RNLS: variants seen among roughly 807,000 people sequenced by gnomAD.
RNLS encodes renalase.
A neutral mutation model predicts 39.8 loss-of-function variants in RNLS; 39 were observed. That is an observed-to-expected ratio of 0.98 (90% CI 0.76 to 1.28). RNLS has a LOEUF of 1.28. RNLS is among the 50% of genes most tolerant of loss of function. The pLI, the probability that RNLS is intolerant of heterozygous loss-of-function variation, is 0.00. For missense variants in RNLS, 410 were observed against 413.3 expected, an observed-to-expected ratio of 0.99 and a Z score of 0.07; for synonymous variants, 147 against 150.7, an observed-to-expected ratio of 0.98 and a Z score of 0.18.
intron 4 of RNLS, among the ~76,000 whole-genome samples, chr10:88,517,858 A>C (rs539958021): frequency 2.0e-5 from 3 of 152,088 alleles, no homozygotes; most frequent in South Asian, 2.1e-4. Flanking sequence ...CCATTTGAAA[A>C]GGAACACTGA....
At chr10:88,582,386 CCAAA>C in intron 1 of RNLS, 79 bp from the exon 2 acceptor site, 3 of 1,068,032 alleles carry the variant, frequency 2.8e-6, no homozygotes, top group South Asian at 1.6e-5. Flanking sequence ...TTAGGTTACC[CCAAA>C]CAGATTACTT....
the RNLS span, among the ~76,000 whole-genome samples, chr10:88,207,947 C>T: frequency 2.6e-5 from 4 of 152,162 alleles, no homozygotes; most frequent in Non-Finnish European, 5.9e-5. Flanking sequence ...GGCTCAGCCG[C>T]CTCATCACAT....
intron 3 of RNLS, among the ~76,000 whole-genome samples, chr10:88,575,159 T>TAC (rs375572767): frequency 0.053 from 2,269 of 43,160 alleles, 58 homozygotes; most frequent in Non-Finnish European, 0.082. Context: ...TATATATATA[T>TAC]ACACACACAC....
intron 6 of RNLS, 149 bp downstream of exon 6, chr10:88,314,317 T>C: frequency 1.3e-6 from 1 of 751,070 alleles, no homozygotes; most frequent in South Asian, 2.0e-5. Context: ...ATAGAAGTTA[T>C]ATTTATGTGT....
the RNLS span, among the ~76,000 whole-genome samples, chr10:88,187,168 A>G: frequency 8.1e-6 from 1 of 123,092 alleles, no homozygotes; most frequent in South Asian, 2.6e-4. Flanking sequence ...AATATATATA[A>G]TATATATATA....
chr10:88,546,014 T>G (rs1052601739), intron 4 of RNLS, among the ~76,000 whole-genome samples: 1 of 152,078 alleles, frequency 6.6e-6, no homozygotes, highest in African/African-American at 2.4e-5. Flanking sequence ...CCATGTGAAA[T>G]TAAGTGCCCT....
intron 4 of RNLS, among the ~76,000 whole-genome samples, chr10:88,479,680 C>G (rs1475281365): frequency 6.6e-6 from 1 of 152,078 alleles, no homozygotes; most frequent in Non-Finnish European, 1.5e-5. Flanking sequence ...TAGCCTTTCC[C>G]ATTTTCAGAA....
At chr10:88,455,794 T>C (rs1842598485) in intron 4 of RNLS, among the ~76,000 whole-genome samples, 1 of 152,186 alleles carries the variant, frequency 6.6e-6, no homozygotes, top group South Asian at 2.1e-4. Flanking sequence ...ACATTTCTGT[T>C]AGAAAAAACT....
chr10:88,303,700 C>G (rs967680750), intron 6 of RNLS, among the ~76,000 whole-genome samples: 4 of 152,142 alleles, frequency 2.6e-5, no homozygotes, highest in Non-Finnish European at 4.4e-5. Flanking sequence ...TTGATGGGCA[C>G]AAAACCAGCC....
intron 4 of RNLS, among the ~76,000 whole-genome samples, chr10:88,400,472 T>A (rs1172636425): frequency 5.9e-5 from 9 of 152,022 alleles, no homozygotes; most frequent in African/African-American, 2.2e-4. Flanking sequence ...CTTCCAATCT[T>A]TCGGGACCTT....
chr10:88,260,615 C>T, the RNLS span, among the ~76,000 whole-genome samples: 3,419 of 152,296 alleles, frequency 0.022, 140 homozygotes, highest in African/African-American at 0.078. Context: ...TGTATTAAGC[C>T]TTCATGGTTG....
chr10:88,532,589 G>A (rs1847493014), intron 4 of RNLS, among the ~76,000 whole-genome samples: 1 of 151,968 alleles, frequency 6.6e-6, no homozygotes, highest in Non-Finnish European at 1.5e-5. Flanking sequence ...TTAAAATAAA[G>A]CATAATTATT....
intron 4 of RNLS, among the ~76,000 whole-genome samples, chr10:88,387,624 A>G (rs1164576178): frequency 6.6e-6 from 1 of 152,134 alleles, no homozygotes; most frequent in East Asian, 1.9e-4. Flanking sequence ...TTTACATGTA[A>G]TCATTGATAT....
rs530929255 is a variant in RNLS, at chr10:88,388,200, T to G, written c.527-25475A>C. Among the ~76,000 whole-genome samples, 394 of 152,320 alleles carry G rather than the reference T, an allele frequency of 2.6e-3. 2 individuals carry two copies. Among genetic ancestry groups the G allele is most frequent in the African/African-American group, 9.0e-3 (374 of 41,574 alleles). ...TCTTTGTCTTAATTTTCTTTCCATGTTTAATTTATCAGCAAGTCCTGTAGA... is the reference window on the plus strand; with the variant it reads ...TCTTTGTCTTAATTTTCTTTCCATGGTTAATTTATCAGCAAGTCCTGTAGA... On this transcript the variant is annotated intron_variant, in intron 4 of 6. Transcript: ENST00000331772.
intron 4 of RNLS, among the ~76,000 whole-genome samples, chr10:88,516,253 A>G (rs1384990527): frequency 6.6e-6 from 1 of 152,110 alleles, no homozygotes; most frequent in African/African-American, 2.4e-5. Context: ...TGGATAAGGA[A>G]ATATCTAAAT....
intron 4 of RNLS, among the ~76,000 whole-genome samples, chr10:88,527,798 C>T (rs1228065828): frequency 1.3e-5 from 2 of 150,238 alleles, no homozygotes; most frequent in African/African-American, 4.9e-5. Context: ...AGGAAAAAGA[C>T]TCAACTAAGC....
intron 4 of RNLS, among the ~76,000 whole-genome samples, chr10:88,435,738 T>C (rs1855434019): frequency 6.6e-6 from 1 of 152,118 alleles, no homozygotes; most frequent in Admixed American, 6.5e-5. Flanking sequence ...TAGTGACCCC[T>C]CATAGTTCTG....
At chr10:88,326,189 G>A (rs1846593224) in intron 5 of RNLS, among the ~76,000 whole-genome samples, 2 of 152,312 alleles carry the variant, frequency 1.3e-5, no homozygotes, top group Non-Finnish European at 1.5e-5. Context: ...AAATGTGGAA[G>A]AGAATTTGCA....
chr10:88,548,795 A>G (rs1444366725), intron 4 of RNLS, among the ~76,000 whole-genome samples: 3 of 151,226 alleles, frequency 2.0e-5, no homozygotes, highest in Non-Finnish European at 2.9e-5. Flanking sequence ...ATAGTTTTCC[A>G]TAATTCTATA....
Sources: gnomAD v4.1 joint callset for allele counts (sites outside exome capture counted in the v4.1 genomes callset) on GRCh38, gnomAD v4.1.1 for gene constraint, MANE v1.5 for transcripts, NCBI Gene and HGNC (gene_info 2026-07-23, HGNC 2026-07-21) for gene names.